The following KCNC4 variants were observed in gnomAD, a reference collection of about 807,000 sequenced individuals.
KCNC4 encodes the protein voltage-gated potassium channel KCNC4.
In KCNC4, 23 loss-of-function variants were observed where a neutral mutation model predicts 42.8. The observed-to-expected ratio is 0.54, with a 90% CI of 0.39 to 0.76. The LOEUF (loss-of-function observed/expected upper bound fraction) is 0.76. Among genes scored for constraint, KCNC4 ranks in the 30% least tolerant of loss-of-function variants. The probability of loss-of-function intolerance (pLI) is 0.00; values close to 1 mark genes in which losing one functional copy is unlikely to be tolerated. For missense variants in KCNC4, 751 were observed against 898.2 expected (o/e 0.84, Z 2.10); for synonymous variants, 422 against 393.5 (o/e 1.07, Z -0.86).
Position 110,226,031 on chromosome 1 carries a change from C to T in KCNC4, c.1672C>T (p.Leu558Phe). ...GCTGTCTGATGAGGAGGGAGCTGGC[C>T]TCACCCAACCCCTGGCCTCCTCCCC... ...AVLSDEEGAG[L>F]TQPLASSPTP... The change falls in exon 3 of 4, where the codon CTC becomes TTC. Residue 558 changes from leucine (L) to phenylalanine (F), a missense_variant. This residue lies in a region of KCNC4 where 202 missense variants were observed against 181.5 expected (regional missense o/e 1.11). Transcript: ENST00000438661. 1.2e-6 allele frequency: 2 copies of T among 1,613,604 alleles called. No homozygotes were observed. Among genetic ancestry groups the T allele is most frequent in the Middle Eastern group, 1.7e-4 (1 of 6,058 alleles).
rs552752341 is a variant in KCNC4, at chr1:110,265,504, C to T, written n.31-17030C>T. 7.0e-4 allele frequency among the ~76,000 whole-genome samples: 106 copies of T among 152,318 alleles called. 1 individual carries two copies. The highest frequency in any genetic ancestry group is 2.5e-3 in the African/African-American group (103 of 41,576). On this transcript the variant is annotated intron_variant and non_coding_transcript_variant, in intron 1 of 2. Transcript: ENST00000412512. ...CTCCCAAAGGAGCTTTTAGAGAGGG[C>T]TGCCCAAGAAGTCATCCAGGCCCCT...
chr1:110,242,471 G>A (rs814325), exon 4 of KCNC4: 64,395 of 152,044 alleles, frequency 0.42, 14,187 homozygotes, highest in African/African-American at 0.53. Context: ...ATCCCACGCT[G>A]TTGCTGGGCT....
intron 1 of KCNC4, among the ~76,000 whole-genome samples, chr1:110,217,420 T>C (rs886435622): frequency 3.9e-5 from 6 of 152,090 alleles, no homozygotes; most frequent in Admixed American, 3.9e-4. Context: ...AAAATTTCCA[T>C]GTGGGTAGAG....
chr1:110,232,677 ACCCAT>A, intron 3 of KCNC4: 1 of 1,471,050 alleles, frequency 6.8e-7, no homozygotes, highest in Non-Finnish European at 9.0e-7. Context: ...CCATTCCCTG[ACCCAT>A]CCATGCTCTT....
rs534323144 is a variant in KCNC4, at chr1:110,211,950, C to A, written c.451C>A (p.His151Asn). 1 of 1,611,312 alleles carries A rather than the reference C, an allele frequency of 6.2e-7. No homozygotes were observed. The highest frequency in any genetic ancestry group is 1.1e-5 in the South Asian group (1 of 90,998). The change falls in exon 1 of 4, where the codon CAC becomes AAC. Residue 151 changes from histidine (H) to asparagine (N), a missense_variant. Transcript: ENST00000438661. The surrounding 1 kb of genome is among the most constrained non-coding windows in gnomAD (Gnocchi z 6.5). ...EPCCWMTYRQ[H>N]RDAEEALDIF... ...CTGCTGCTGGATGACCTACCGGCAGCACCGCGACGCCGAGGAGGCGCTCGA... is the reference window on the plus strand; with the variant it reads ...CTGCTGCTGGATGACCTACCGGCAGAACCGCGACGCCGAGGAGGCGCTCGA...
At chr1:110,281,288 T>C (rs1043616939) in intron 1 of KCNC4, among the ~76,000 whole-genome samples, 4 of 151,994 alleles carry the variant, frequency 2.6e-5, no homozygotes, top group African/African-American at 4.8e-5. Flanking sequence ...GTTAATGAGC[T>C]GTGGAAGCAG....
chr1:110,280,581 A>G (rs768354988), intron 1 of KCNC4, among the ~76,000 whole-genome samples: 11 of 152,056 alleles, frequency 7.2e-5, no homozygotes, highest in Admixed American at 3.9e-4. Flanking sequence ...GCTGCCCACA[A>G]TCCCCTAATC....
rs1292555676 is a variant in KCNC4, at chr1:110,211,536, C to T, written c.37C>T (p.Arg13Cys). 6.2e-7 allele frequency: 1 copy of T among 1,614,002 alleles called. No homozygotes were observed. The highest frequency in any genetic ancestry group is 8.5e-7 in the Non-Finnish European group (1 of 1,179,972). ...SSVCVSSYRG[R>C]KSGNKPPSKT... ...GGTGTGTGTCTCCTCCTACCGCGGGCGCAAGTCGGGGAACAAGCCTCCGTC... is the reference window on the plus strand; with the variant it reads ...GGTGTGTGTCTCCTCCTACCGCGGGTGCAAGTCGGGGAACAAGCCTCCGTC... The change falls in exon 1 of 4, where the codon CGC (arginine) becomes TGC (cysteine). Residue 13 changes from arginine (R) to cysteine (C), a missense_variant. Physicochemically the swap from Arg to Cys is radical, Grantham distance 180. Around this residue, in one of 4 missense-constraint regions of KCNC4, gnomAD observed 183 missense variants for 255.8 expected, o/e 0.72. Transcript: ENST00000438661. This position sits in a 1 kb window ranked among gnomAD's most constrained non-coding sequence, Gnocchi z 6.5.
chr1:110,229,900 C>T (rs933717173), intron 3 of KCNC4, among the ~76,000 whole-genome samples: 1 of 152,150 alleles, frequency 6.6e-6, no homozygotes, highest in Non-Finnish European at 1.5e-5. Flanking sequence ...TTTTTAGAGT[C>T]AGATTATGCA....
intron 1 of KCNC4, among the ~76,000 whole-genome samples, chr1:110,264,907 C>T (rs1263669905): frequency 6.6e-6 from 1 of 151,982 alleles, no homozygotes. Flanking sequence ...CACGGTGAAA[C>T]CCCATCTCTA....
At chr1:110,272,661 G>A (rs1467808389) in intron 1 of KCNC4, 2 of 152,032 alleles carry the variant, frequency 1.3e-5, no homozygotes, top group African/African-American at 4.8e-5. Flanking sequence ...GATTGGAGGT[G>A]TGGGAAAGTG....
chr1:110,228,525 T>C (rs939474667), intron 3 of KCNC4: 2 of 152,760 alleles, frequency 1.3e-5, no homozygotes, highest in African/African-American at 4.8e-5. Flanking sequence ...TGCCTTTTCT[T>C]CACCAAGGCT....
chr1:110,257,890 A>G (rs113205287), intron 1 of KCNC4, among the ~76,000 whole-genome samples: 3,980 of 152,290 alleles, frequency 0.026, 166 homozygotes, highest in African/African-American at 0.088. Context: ...GTTAGCCATC[A>G]CATCCATATT....
At chr1:110,232,100 T>G in intron 3 of KCNC4, 2 of 864,246 alleles carry the variant, frequency 2.3e-6, no homozygotes, top group South Asian at 1.6e-5. Flanking sequence ...ACTGGTAAGG[T>G]AGGGGAAGGA....
At chr1:110,241,626 T>C (rs751022066) in exon 4 of KCNC4, 4 of 152,212 alleles carry the variant, frequency 2.6e-5, no homozygotes, top group African/African-American at 4.8e-5. Flanking sequence ...TGATATGCAA[T>C]GGAGGCTGCC....
chr1:110,242,683 G>T (rs1479076666), exon 4 of KCNC4: 1 of 152,240 alleles, frequency 6.6e-6, no homozygotes, highest in Non-Finnish European at 1.5e-5. Flanking sequence ...CCTCTGGAAG[G>T]TATAATAGCT....
chr1:110,213,208 A>AT (rs1311819012), intron 1 of KCNC4, among the ~76,000 whole-genome samples: 3 of 137,678 alleles, frequency 2.2e-5, no homozygotes, highest in Non-Finnish European at 4.7e-5. Context: ...TCCCTGAAGG[A>AT]TGGCTTTAGA....
intron 1 of KCNC4, among the ~76,000 whole-genome samples, chr1:110,215,498 C>G (rs1026122487): frequency 6.6e-6 from 1 of 152,238 alleles, no homozygotes; most frequent in Non-Finnish European, 1.5e-5. Context: ...CTACCCTAGT[C>G]TCCAAGGTCT....
At position 110,233,173 on chromosome 1, in the gene KCNC4, GAT is replaced by G; in HGVS notation, c.*208_*209del. On this transcript the variant is annotated 3_prime_UTR_variant, in exon 4 of 4. Coordinates refer to ENST00000438661, the MANE Select transcript of KCNC4 (RefSeq NM_001039574.3). ...GTTCTGTTCCATTGTACATCGAAGA[GAT>G]ATATATGCACATATAGTATCTATAT... is the stretch of plus-strand genomic sequence containing the variant. 4.8e-6 allele frequency: 3 copies of G among 623,062 alleles called. No individual in the cohort carries two copies. The South Asian group carries it at 5.8e-5, about 12-fold the overall frequency. 38.6% of individuals were successfully genotyped at this position (623,062 alleles called of 1,614,324 possible).
Sources: gnomAD v4.1 joint callset for allele counts (sites outside exome capture counted in the v4.1 genomes callset) on GRCh38, gnomAD v4.1.1 for gene constraint, gnomAD v4.1.1 regional missense constraint, Gnocchi (gnomAD v3.1) non-coding constraint, MANE v1.5 for transcripts, NCBI Gene and HGNC (gene_info 2026-07-23, HGNC 2026-07-21) for gene names.